Variants in LRBA observed in about 807,000 individuals in gnomAD.
LRBA encodes lipopolysaccharide-responsive and beige-like anchor protein.
In LRBA, 176 loss-of-function variants were observed where a neutral mutation model predicts 330.0. The ratio of observed to expected loss-of-function variants is 0.53; its 90% CI spans 0.47 to 0.60. The LOEUF is 0.60. Among genes scored for constraint, LRBA ranks in the 20% least tolerant of loss-of-function variants. LRBA has a pLI of 0.00. For synonymous variants in LRBA, 1,230 were observed against 1,193.0 expected (o/e 1.03, Z -0.64); for missense variants, 3,259 against 3,444.8 (o/e 0.95, Z 1.35).
At chr4:150,930,800 A>G (rs1157284270) in intron 2 of LRBA, among the ~76,000 whole-genome samples, 1 of 152,232 alleles carries the variant, frequency 6.6e-6, no homozygotes, top group African/African-American at 2.4e-5. Flanking sequence ...ATCTCAGCAT[A>G]CAATGCTTTG....
chr4:150,368,051 A>G (rs1180846444), intron 47 of LRBA, among the ~76,000 whole-genome samples: 1 of 152,200 alleles, frequency 6.6e-6, no homozygotes, highest in East Asian at 1.9e-4. Flanking sequence ...GATTGAAAGC[A>G]ACACAGGGAC....
chr4:150,489,238 A>T (rs1420398695), intron 41 of LRBA, among the ~76,000 whole-genome samples: 6 of 55,696 alleles, frequency 1.1e-4, no homozygotes, highest in Non-Finnish European at 1.5e-4. Context: ...TATTATATAT[A>T]CGAATATATA....
intron 47 of LRBA, among the ~76,000 whole-genome samples, chr4:150,365,014 G>C (rs1245090907): frequency 6.6e-6 from 1 of 151,826 alleles, no homozygotes; most frequent in Non-Finnish European, 1.5e-5. Context: ...GTGTGTGAGA[G>C]AGAGAGAAAG....
chr4:150,861,318 GACTC>G (rs1188252469), intron 22 of LRBA, among the ~76,000 whole-genome samples: 2 of 141,084 alleles, frequency 1.4e-5, no homozygotes, highest in Non-Finnish European at 3.0e-5. Context: ...TGTAGATTGA[GACTC>G]ACTATGTTGC....
chr4:150,551,114 G>A (rs1305316075), intron 40 of LRBA, among the ~76,000 whole-genome samples: 1 of 152,076 alleles, frequency 6.6e-6, no homozygotes, highest in Non-Finnish European at 1.5e-5. Context: ...TAAAAGAATG[G>A]AGCTTAGACC....
At chr4:150,551,510 C>A (rs1383731313) in intron 40 of LRBA, among the ~76,000 whole-genome samples, 1 of 151,722 alleles carries the variant, frequency 6.6e-6, no homozygotes, top group African/African-American at 2.4e-5. Flanking sequence ...GAAATCCTGT[C>A]TCTACAAAAA....
intron 47 of LRBA, among the ~76,000 whole-genome samples, chr4:150,386,955 AT>A (rs1743164126): frequency 6.6e-6 from 1 of 152,188 alleles, no homozygotes; most frequent in South Asian, 2.1e-4. Flanking sequence ...AATAATAGCC[AT>A]TCTGACTGGT....
intron 17 of LRBA, among the ~76,000 whole-genome samples, chr4:150,879,857 A>G (rs1483198127): frequency 2.0e-5 from 3 of 152,202 alleles, no homozygotes; most frequent in African/African-American, 4.8e-5. Context: ...CTACAAAACT[A>G]CGAATGTGAT....
intron 37 of LRBA, among the ~76,000 whole-genome samples, chr4:150,660,611 C>G (rs1236770501): frequency 2.8e-5 from 4 of 143,526 alleles, no homozygotes; most frequent in African/African-American, 1.0e-4. Flanking sequence ...ACAATGGCGG[C>G]CTTGTGGAAT....
intron 2 of LRBA, among the ~76,000 whole-genome samples, chr4:150,994,701 G>C (rs1351383062): frequency 2.8e-4 from 42 of 152,164 alleles, no homozygotes; most frequent in Non-Finnish European, 5.9e-5. Flanking sequence ...GACCATAAGA[G>C]AATGAAGAAG....
At chr4:150,507,594 C>T (rs949220786) in intron 40 of LRBA, among the ~76,000 whole-genome samples, 1 of 152,164 alleles carries the variant, frequency 6.6e-6, no homozygotes, top group African/African-American at 2.4e-5. Flanking sequence ...GGATTAAAGA[C>T]TTACATGTTA....
rs139335600 is a variant in LRBA at position 150,832,082 on chromosome 4, T to C, written c.4570-106A>G. ...AAACATGTTCACAAATCTTTCAATATACACAGAAAATACATTACCTACGTA... is the reference window on the plus strand; with the variant it reads ...AAACATGTTCACAAATCTTTCAATACACACAGAAAATACATTACCTACGTA... On this transcript the variant is annotated intron_variant, in intron 28 of 56. Transcript: ENST00000651943. 9.2e-3 allele frequency: 5,566 copies of C among 605,638 alleles called. 298 individuals carry two copies. The highest frequency in any genetic ancestry group is 1.1e-3 in the Non-Finnish European group (403 of 381,432). The allele number at this position is 605,638 out of a possible 1,614,324, so 37.5% of individuals were successfully genotyped here.
chr4:150,775,512 A>G (rs1737181796), intron 34 of LRBA, among the ~76,000 whole-genome samples: 1 of 151,092 alleles, frequency 6.6e-6, no homozygotes, highest in South Asian at 2.1e-4. Flanking sequence ...CAGTGATTGC[A>G]GCATAAGAGA....
At chr4:151,005,056 T>C (rs532286175) in intron 2 of LRBA, among the ~76,000 whole-genome samples, 1 of 151,944 alleles carries the variant, frequency 6.6e-6, no homozygotes, top group South Asian at 2.1e-4. Flanking sequence ...AGTCAAGAAA[T>C]AGTCAAGAAA....
At chr4:150,381,507 GC>G (rs1742259919) in intron 47 of LRBA, among the ~76,000 whole-genome samples, 1 of 152,162 alleles carries the variant, frequency 6.6e-6, no homozygotes, top group Non-Finnish European at 1.5e-5. Flanking sequence ...CATGGTTCAT[GC>G]TGTAGCATGT....
intron 37 of LRBA, among the ~76,000 whole-genome samples, chr4:150,616,870 A>T (rs528084775): frequency 6.8e-4 from 104 of 152,344 alleles, no homozygotes; most frequent in Non-Finnish European, 1.2e-3. Flanking sequence ...CAACATAAAG[A>T]GATTCTAGTA....
chr4:150,483,250 T>G (rs918877809), intron 42 of LRBA, among the ~76,000 whole-genome samples: 8 of 152,020 alleles, frequency 5.3e-5, no homozygotes, highest in Admixed American at 3.9e-4. Context: ...AAAGATCATT[T>G]TCCCCCCTGG....
intron 36 of LRBA, among the ~76,000 whole-genome samples, chr4:150,691,313 G>A (rs758771719): frequency 1.3e-5 from 2 of 152,008 alleles, no homozygotes; most frequent in Non-Finnish European, 2.9e-5. Flanking sequence ...ACATCTAAAT[G>A]ACAAATGAAT....
intron 53 of LRBA, among the ~76,000 whole-genome samples, chr4:150,297,920 G>A (rs902553915): frequency 1.3e-5 from 2 of 152,180 alleles, no homozygotes; most frequent in South Asian, 4.1e-4. Flanking sequence ...GAACTCATAT[G>A]GTTCAACACA....
Sources: gnomAD v4.1 joint callset for allele counts (sites outside exome capture counted in the v4.1 genomes callset) on GRCh38, gnomAD v4.1.1 for gene constraint, MANE v1.5 for transcripts, NCBI Gene and HGNC (gene_info 2026-07-23, HGNC 2026-07-21) for gene names.